SPO11: variants seen among roughly 807,000 people sequenced by gnomAD.
SPO11 encodes the protein SPO11 initiator of meiotic double strand breaks.
In SPO11, 49 loss-of-function variants were observed where a neutral mutation model predicts 51.6. The observed-to-expected ratio is 0.95, with a 90% CI of 0.75 to 1.20. The LOEUF (loss-of-function observed/expected upper bound fraction) is 1.20. Among genes scored for constraint, SPO11 ranks in the 50% most tolerant of loss-of-function variants. The pLI is 0.00. For synonymous variants in SPO11, 176 were observed against 158.2 expected (o/e 1.11, Z -0.84); for missense variants, 431 against 473.4 (o/e 0.91, Z 0.83).
At chr20:57,342,909 A>G (rs1173455443) in intron 12 of SPO11, 69 bp downstream of exon 12, 21 of 1,075,938 alleles carry the variant, frequency 2.0e-5, no homozygotes, top group Non-Finnish European at 2.9e-5. Context: ...GGCTATTCAC[A>G]TCGTATTTTG....
chr20:57,329,815 AGGGCGCAGCCT>A lies in SPO11; in HGVS notation c.-52_-42del. 1 of 1,552,362 alleles carries A rather than the reference AGGGCGCAGCCT, an allele frequency of 6.4e-7. No homozygotes were observed. The highest frequency in any genetic ancestry group is 8.7e-7 in the Non-Finnish European group (1 of 1,149,028). ...GGGAAAGGCACGCAGCCACGCCCCA[AGGGCGCAGCCT>A]AGGACAGGGGCTTCTGGAGCTTCTG... On this transcript the variant is annotated 5_prime_UTR_variant, in exon 1 of 13. Transcript: ENST00000371263.
chr20:57,340,263 G>A, intron 11 of SPO11, 85 bp downstream of exon 11: 1 of 813,840 alleles, frequency 1.2e-6, no homozygotes, highest in Non-Finnish European at 2.1e-6. Flanking sequence ...CACTACAAGG[G>A]AAAGCTCTTA....
chr20:57,331,170 G>A (rs2066444521), intron 1 of SPO11, among the ~76,000 whole-genome samples: 1 of 152,210 alleles, frequency 6.6e-6, no homozygotes, highest in South Asian at 2.1e-4. Flanking sequence ...TCAGCTGACA[G>A]AAAACTGGGC....
At chr20:57,331,771 T>G (rs1399435506) in intron 1 of SPO11, 62 bp from the exon 2 acceptor site, 2 of 898,654 alleles carry the variant, frequency 2.2e-6, no homozygotes, top group Non-Finnish European at 3.3e-6. Context: ...TGGGAAAATC[T>G]TACATATTAA....
Position 57,334,738 on chromosome 20 carries a change from T to A in SPO11, c.511-12T>A. On this transcript the variant is annotated splice_polypyrimidine_tract_variant and intron_variant, in intron 5 of 12. Transcript: ENST00000371263. ...TGAAGCAGGTTTCAAATATGTCTAT[T>A]ATTTTTTGCAGTTATCTACATCAAA... The A allele has an allele frequency of 6.2e-7, 1 of 1,610,332 alleles. No individual in the cohort carries two copies. Among genetic ancestry groups the A allele is most frequent in the Non-Finnish European group, 8.5e-7 (1 of 1,176,968 alleles).
chr20:57,340,977 A>G (rs961207390), intron 11 of SPO11, among the ~76,000 whole-genome samples: 2 of 152,228 alleles, frequency 1.3e-5, no homozygotes, highest in East Asian at 3.8e-4. Flanking sequence ...AACAAGTTAA[A>G]TATCACCTAC....
At position 57,329,928 on chromosome 20, in the gene SPO11, G is replaced by T. The variant is rs759277309; in HGVS notation, c.61G>T (p.Glu21Ter). Residue 21 changes from glutamate (E) to a stop codon, truncating the protein, a stop_gained, in exon 1 of 13, where the codon GAG (glutamate) becomes TAG (stop). Transcript: ENST00000371263. LOFTEE classifies it high-confidence loss of function. Reference sequence around the variant, plus strand: ...CTTCGACGTTTTGGACCGACACAGGGAGTCCCTGCTGGCTGCCCTGAGGAG... The same window carrying T: ...CTTCGACGTTTTGGACCGACACAGGTAGTCCCTGCTGGCTGCCCTGAGGAG... ...SFFDVLDRHR[E>*]SLLAALRRGG... The T allele has an allele frequency of 5.2e-5, 84 of 1,613,690 alleles. No homozygotes were observed. The highest frequency in any genetic ancestry group is 6.9e-5 in the Non-Finnish European group (82 of 1,179,932).
At position 57,329,866 on chromosome 20, in the gene SPO11, T is replaced by TC. The variant is rs747283179; in HGVS notation, c.-1dup. ...TGGAGCTTCTGGCAGCCGTCTGCCC[T>TC]CATGGCCTTTGCACCTATGGGGCCC... On this transcript the variant is annotated 5_prime_UTR_variant, in exon 1 of 13. Transcript: ENST00000371263. The TC allele has an allele frequency of 1.4e-4, 224 of 1,612,850 alleles. 1 individual carries two copies. The East Asian group carries it at 4.9e-3, about 36-fold the overall frequency.
At chr20:57,336,689 T>C (rs1429966533) in intron 8 of SPO11, among the ~76,000 whole-genome samples, 3 of 152,158 alleles carry the variant, frequency 2.0e-5, no homozygotes, top group Non-Finnish European at 4.4e-5. Flanking sequence ...GAAGAGCCAT[T>C]TTTCACCAGG....
rs997344513 is a variant in SPO11 at position 57,335,742 on chromosome 20, G to C, written c.635-56G>C. On this transcript the variant is annotated intron_variant, in intron 7 of 12. Transcript: ENST00000371263. ...ATTATCTATATGGCACCTTAATTTA[G>C]TTGGTGATTAAATTGAAATACTCTT... 75 of 1,081,978 alleles carry C rather than the reference G, an allele frequency of 6.9e-5. 1 individual carries two copies. Among genetic ancestry groups the C allele is most frequent in the South Asian group, 1.6e-4 (12 of 73,552 alleles). 67.0% of individuals were successfully genotyped at this position (1,081,978 alleles called of 1,614,324 possible). A position where few individuals can be genotyped will look rare whatever the true frequency, so the allele number is the denominator to read the frequency against.
At chr20:57,335,674 T>G (rs2066504076) in intron 7 of SPO11, 124 bp from the exon 8 acceptor site, 1 of 707,400 alleles carries the variant, frequency 1.4e-6, no homozygotes, top group Non-Finnish European at 2.4e-6. Flanking sequence ...GTTTATATGT[T>G]TGAAGGTACA....
chr20:57,342,944 A>G, intron 12 of SPO11, 104 bp downstream of exon 12: 1 of 783,582 alleles, frequency 1.3e-6, no homozygotes, highest in Admixed American at 2.5e-5. Flanking sequence ...GAAATTTTAT[A>G]TGACACGACT....
intron 10 of SPO11, among the ~76,000 whole-genome samples, chr20:57,339,386 C>T (rs1389090572): frequency 6.6e-6 from 1 of 152,186 alleles, no homozygotes; most frequent in Non-Finnish European, 1.5e-5. Flanking sequence ...TTTCTAATCC[C>T]TTTTCTCCCA....
intron 10 of SPO11, among the ~76,000 whole-genome samples, chr20:57,339,828 T>C (rs540275501): frequency 4.6e-4 from 70 of 152,324 alleles, no homozygotes; most frequent in Non-Finnish European, 8.2e-4. Context: ...AACCTTGGAC[T>C]TTTGAGCTCA....
chr20:57,331,887 G>C lies in SPO11; in HGVS notation c.186G>C (p.Leu62Phe). 6.2e-7 allele frequency: 1 copy of C among 1,606,514 alleles called. No homozygotes were observed. The highest frequency in any genetic ancestry group is 8.5e-7 in the Non-Finnish European group (1 of 1,176,522). Residue 62 changes from leucine (L) to phenylalanine (F), a missense_variant, in exon 2 of 13, where the codon TTG (leucine) becomes TTC (phenylalanine). Transcript: ENST00000371263. ...ENIIQDIITS[L>F]ARNEAPAFTI... ...TTATCCAAGACATAATCACAAGCTTGGCAAGAAATGAAGCACCTGCATTCA... is the reference window on the plus strand; with the variant it reads ...TTATCCAAGACATAATCACAAGCTTCGCAAGAAATGAAGCACCTGCATTCA...
chr20:57,339,665 T>C (rs2066556485), intron 10 of SPO11, among the ~76,000 whole-genome samples: 2 of 152,112 alleles, frequency 1.3e-5, no homozygotes, highest in Admixed American at 6.5e-5. Flanking sequence ...CAATAAGAAA[T>C]GTAGGTCAGA....
At position 57,330,398 on chromosome 20, in the gene SPO11, G is replaced by T. The variant is rs935921581; in HGVS notation, c.131+400G>T. 7.9e-5 allele frequency among the ~76,000 whole-genome samples: 12 copies of T among 151,004 alleles called. No individual in the cohort carries two copies. In the South Asian group the frequency reaches 8.4e-4, roughly 11 times the overall value. On this transcript the variant is annotated intron_variant, in intron 1 of 12. Transcript: ENST00000371263. ...GGTTTTTTTTGGTTTTTATTTTTTG[G>T]TTTTTTTTTAGAAAGAAAATGAGTG...
rs778773370 is a variant in SPO11 at position 57,338,399 on chromosome 20, C to T, written c.844+24C>T. The stretch of plus-strand genomic sequence containing the variant: ...TGGTAATTTATCACTGGACTATTTA[C>T]AACAATAGTCATAACTAAATCATAT... On this transcript the variant is annotated intron_variant, in intron 9 of 12. Transcript: ENST00000371263. 6 of 1,386,344 alleles carry T rather than the reference C, an allele frequency of 4.3e-6. No homozygotes were observed. In the African/African-American group the frequency reaches 7.2e-5, roughly 17 times the overall value. The allele number at this position is 1,386,344 out of a possible 1,614,324, so 85.9% of individuals were successfully genotyped here. A position where few individuals can be genotyped will look rare whatever the true frequency, so the allele number is the denominator to read the frequency against.
chr20:57,343,651 C>T lies in SPO11; in HGVS notation c.*191C>T, dbSNP rs1413268819. 5.9e-6 allele frequency: 3 copies of T among 505,294 alleles called. No individual in the cohort carries two copies. Among genetic ancestry groups the T allele is most frequent in the Non-Finnish European group, 9.8e-6 (3 of 307,164 alleles). The allele number at this position is 505,294 out of a possible 1,614,324, so 31.3% of individuals were successfully genotyped here. A position where few individuals can be genotyped will look rare whatever the true frequency, so the allele number is the denominator to read the frequency against. On this transcript the variant is annotated 3_prime_UTR_variant, in exon 13 of 13. Transcript: ENST00000371263. ...CCAATTTTCTTTGCAAGGCCTTATT[C>T]TTGCCTCTATAGAGACAGATTTCTG...
Sources: allele counts gnomAD v4.1 joint callset (sites outside exome capture counted in the v4.1 genomes callset), GRCh38; gene constraint gnomAD v4.1.1; transcripts MANE v1.5; gene names NCBI Gene and HGNC (gene_info 2026-07-23, HGNC 2026-07-21).